Variants in GRM8 observed in about 807,000 individuals in gnomAD.
GRM8 encodes glutamate metabotropic receptor 8, also known as metabotropic glutamate receptor 8.
Under a neutral mutation model 87.2 loss-of-function variants are expected in GRM8, and 47 were observed. That is an observed-to-expected ratio of 0.54 (90% CI 0.43 to 0.69). The LOEUF is 0.69. Ranked by LOEUF, GRM8 falls within the 30% of genes least tolerant of loss-of-function variation. The pLI is 0.00. For synonymous variants in GRM8, 396 were observed against 404.5 expected (o/e 0.98, Z 0.25); for missense variants, 1,019 against 1,139.2 (o/e 0.89, Z 1.52).
intron 9 of GRM8, among the ~76,000 whole-genome samples, chr7:126,492,207 T>A (rs574750751): frequency 8.6e-5 from 13 of 151,948 alleles, no homozygotes; most frequent in South Asian, 2.1e-4. Flanking sequence ...TGCACCACCA[T>A]GCCTGGATAA....
chr7:126,463,596 A>G (rs1468888055), intron 9 of GRM8, among the ~76,000 whole-genome samples: 1 of 151,664 alleles, frequency 6.6e-6, no homozygotes, highest in Non-Finnish European at 1.5e-5. Context: ...GCACCAAGCT[A>G]GGCTTTTTAT....
At chr7:127,094,005 T>C (rs1305086232) in intron 3 of GRM8, among the ~76,000 whole-genome samples, 1 of 152,244 alleles carries the variant, frequency 6.6e-6, no homozygotes, top group Non-Finnish European at 1.5e-5. Context: ...AAGGAAACTA[T>C]ATTTGTTGCT....
intron 8 of GRM8, among the ~76,000 whole-genome samples, chr7:126,586,449 C>A (rs1267002712): frequency 6.6e-6 from 1 of 152,114 alleles, no homozygotes; most frequent in South Asian, 2.1e-4. Flanking sequence ...GCTATAGTAA[C>A]CAAAACAGCA....
intron 6 of GRM8, among the ~76,000 whole-genome samples, chr7:126,800,806 TAGTC>T (rs141122779): frequency 0.063 from 9,609 of 152,260 alleles, 417 homozygotes; most frequent in East Asian, 0.19. Flanking sequence ...GGAATAATAT[TAGTC>T]AGAAGCCTTA....
chr7:126,981,631 C>T (rs940161721), intron 3 of GRM8: 1 of 152,208 alleles, frequency 6.6e-6, no homozygotes, highest in South Asian at 2.1e-4. Flanking sequence ...AGCCAATCAC[C>T]TCTTAAAGTC....
At chr7:126,605,315 G>A (rs1798246591) in intron 8 of GRM8, among the ~76,000 whole-genome samples, 2 of 152,134 alleles carry the variant, frequency 1.3e-5, no homozygotes, top group Non-Finnish European at 2.9e-5. Flanking sequence ...GACAATACAT[G>A]CCTCATGTGT....
In GRM8 at chr7:126,609,417, T is replaced by C. The variant is rs1158608414; in HGVS notation, c.1439A>G (p.Asn480Ser). 3.1e-6 allele frequency: 5 copies of C among 1,613,454 alleles called. No homozygotes were observed. Residue 480 changes from asparagine (N) to serine (S), a missense_variant, in exon 8 of 11, where the codon AAC (asparagine) becomes AGC (serine). Coordinates refer to ENST00000339582, the MANE Select transcript of GRM8 (RefSeq NM_000845.3). ...GATGACTTTGTACTCTGTGCTTTTG[T>C]TGGTTATTTGATACTGGAAGATATC... The part of the protein sequence containing the change: ...RYDIFQYQIT[N>S]KSTEYKVIGH...
At chr7:127,103,985 T>C (rs1825576227) in intron 3 of GRM8, among the ~76,000 whole-genome samples, 1 of 152,222 alleles carries the variant, frequency 6.6e-6, no homozygotes, top group African/African-American at 2.4e-5. Context: ...AGTCTGATTT[T>C]TTTAAAATGA....
chr7:126,990,642 T>A (rs1226794867), intron 3 of GRM8, among the ~76,000 whole-genome samples: 9 of 152,220 alleles, frequency 5.9e-5, no homozygotes, highest in Admixed American at 5.2e-4. Flanking sequence ...ATGGTTTAAA[T>A]CCTGGTTCTG....
intron 3 of GRM8, among the ~76,000 whole-genome samples, chr7:127,006,931 G>A (rs1814377234): frequency 6.6e-6 from 1 of 152,024 alleles, no homozygotes; most frequent in Non-Finnish European, 1.5e-5. Context: ...TGTGGAAGAT[G>A]TCTCACCAGT....
intron 2 of GRM8, among the ~76,000 whole-genome samples, chr7:127,211,239 A>C (rs1796195812): frequency 6.6e-6 from 1 of 152,216 alleles, no homozygotes; most frequent in African/African-American, 2.4e-5. Flanking sequence ...TGCAGCCTTC[A>C]GTATGTGGTC....
intron 2 of GRM8, among the ~76,000 whole-genome samples, chr7:127,212,907 G>T (rs563615434): frequency 6.6e-6 from 1 of 152,240 alleles, no homozygotes; most frequent in Admixed American, 6.5e-5. Context: ...GGTCAAATTT[G>T]CATGAGGCCA....
chr7:126,628,748 T>C (rs548036913), intron 7 of GRM8, among the ~76,000 whole-genome samples: 2 of 152,338 alleles, frequency 1.3e-5, no homozygotes, highest in African/African-American at 4.8e-5. Flanking sequence ...TAAATATAGC[T>C]TTTTGTCAAA....
chr7:127,242,099 T>C (rs1798338263), intron 2 of GRM8, among the ~76,000 whole-genome samples: 1 of 152,206 alleles, frequency 6.6e-6, no homozygotes, highest in Non-Finnish European at 1.5e-5. Flanking sequence ...AAGAATTATA[T>C]ATAATTATTC....
At chr7:126,542,404 T>G (rs1816646893) in intron 8 of GRM8, among the ~76,000 whole-genome samples, 1 of 152,176 alleles carries the variant, frequency 6.6e-6, no homozygotes. Context: ...GTAATGATTA[T>G]AAAAATTACA....
At chr7:126,931,061 T>G (rs904495808) in intron 3 of GRM8, among the ~76,000 whole-genome samples, 1 of 152,170 alleles carries the variant, frequency 6.6e-6, no homozygotes, top group Non-Finnish European at 1.5e-5. Context: ...GAGATGATAC[T>G]GAATGCATTG....
At chr7:126,557,950 T>C (rs1217442733) in intron 8 of GRM8, among the ~76,000 whole-genome samples, 3 of 145,440 alleles carry the variant, frequency 2.1e-5, no homozygotes, top group Non-Finnish European at 3.1e-5. Flanking sequence ...TTTCACAAAA[T>C]AATAAATCAG....
intron 2 of GRM8, among the ~76,000 whole-genome samples, chr7:127,157,127 G>T (rs1388170040): frequency 2.0e-5 from 3 of 151,530 alleles, no homozygotes; most frequent in Non-Finnish European, 4.4e-5. Flanking sequence ...TAGATTAAAG[G>T]TCTAACAAGG....
At chr7:127,198,469 T>G (rs1795409125) in intron 2 of GRM8, among the ~76,000 whole-genome samples, 1 of 152,176 alleles carries the variant, frequency 6.6e-6, no homozygotes, top group Non-Finnish European at 1.5e-5. Context: ...CTTGTACAGC[T>G]GCTGGGAAGG....
Sources: gnomAD v4.1 joint callset for allele counts (sites outside exome capture counted in the v4.1 genomes callset) on GRCh38, gnomAD v4.1.1 for gene constraint, MANE v1.5 for transcripts, NCBI Gene and HGNC (gene_info 2026-07-23, HGNC 2026-07-21) for gene names.